Variants in MICAL2 observed in about 807,000 individuals in gnomAD.
The protein encoded by MICAL2 is microtubule associated monooxygenase, calponin and LIM domain containing 2, also known as [F-actin]-monooxygenase MICAL2.
MICAL2 carries 77 observed loss-of-function variants against 127.3 expected under a neutral mutation model. The ratio of observed to expected loss-of-function variants is 0.60; its 90% confidence interval spans 0.50 to 0.73. The LOEUF (loss-of-function observed/expected upper bound fraction) is 0.73, where lower values mean the gene tolerates loss of function less well. Ranked by LOEUF, MICAL2 falls within the 30% of genes least tolerant of loss-of-function variation. The pLI, the probability that MICAL2 is intolerant of heterozygous loss-of-function variation, is 0.00. For synonymous variants in MICAL2, 570 were observed against 551.1 expected (o/e 1.03, Z -0.48); for missense variants, 1,351 against 1,434.4 (o/e 0.94, Z 0.94).
At chr11:12,158,998 G>A (rs1026987625) in intron 2 of MICAL2, among the ~76,000 whole-genome samples, 25 of 152,336 alleles carry the variant, frequency 1.6e-4, no homozygotes, top group Admixed American at 7.2e-4. Context: ...GGTGAGATGG[G>A]TGTTTAGGTC....
chr11:12,211,524 T>A (rs1448892326), intron 6 of MICAL2, among the ~76,000 whole-genome samples: 1 of 152,208 alleles, frequency 6.6e-6, no homozygotes. Flanking sequence ...GGAAAGGTTA[T>A]GTCTGGAGGT....
chr11:12,355,193 A>G (rs1939111582), intron 34 of MICAL2, among the ~76,000 whole-genome samples: 1 of 152,132 alleles, frequency 6.6e-6, no homozygotes, highest in Non-Finnish European at 1.5e-5. Context: ...GCCCTCTAGG[A>G]GTTTGTGGTC....
At chr11:12,258,893 C>G (rs1394134588) in intron 25 of MICAL2, among the ~76,000 whole-genome samples, 1 of 152,220 alleles carries the variant, frequency 6.6e-6, no homozygotes, top group Non-Finnish European at 1.5e-5. Flanking sequence ...CCCACCTGGC[C>G]ACAAGGTGCT....
chr11:12,153,241 G>C (rs112858300), intron 2 of MICAL2: 1 of 151,986 alleles, frequency 6.6e-6, no homozygotes. Flanking sequence ...GTCTCACTGC[G>C]TTGCCCAGGC....
intron 24 of MICAL2, among the ~76,000 whole-genome samples, chr11:12,269,686 T>C (rs956846990): frequency 7.9e-5 from 12 of 152,196 alleles, no homozygotes; most frequent in Admixed American, 1.3e-4. Flanking sequence ...GGGCTGAGGC[T>C]CGGCACTGCC....
chr11:12,293,524 T>A (rs753009648), downstream of MICAL2: 15 of 1,533,260 alleles, frequency 9.8e-6, no homozygotes, highest in South Asian at 6.5e-5. Context: ...ATGATGAAAA[T>A]TTTTAAATAA....
At position 12,162,212 on chromosome 11, in the gene MICAL2, T is replaced by A; in HGVS notation, c.57T>A (p.Phe19Leu). 6.2e-7 allele frequency: 1 copy of A among 1,614,214 alleles called. No individual in the cohort carries two copies. The highest frequency in any genetic ancestry group is 8.5e-7 in the Non-Finnish European group (1 of 1,180,044). The part of the protein sequence containing the change: ...QAQAGQVFEN[F>L]VQASTCKGTL... ...AGGCGGGGCAGGTTTTTGAGAACTT[T>A]GTCCAGGCATCCACGTGCAAAGGTA... Residue 19 changes from phenylalanine to leucine, a missense_variant, in exon 3 of 28, where the codon TTT becomes TTA. By Grantham distance (22) the Phe-to-Leu change is conservative (BLOSUM62 0). This residue lies in a region of MICAL2 where 599 missense variants were observed against 714.9 expected (regional missense o/e 0.84). Transcript: ENST00000683283.
At chr11:12,262,141 C>T (rs1336669003) in intron 26 of MICAL2, 7 of 1,180,946 alleles carry the variant, frequency 5.9e-6, no homozygotes, top group Non-Finnish European at 7.4e-6. Flanking sequence ...GCACCGACAC[C>T]CAGGGGTGGA....
chr11:12,291,049 G>C (rs2134782249), downstream of MICAL2, among the ~76,000 whole-genome samples: 1 of 152,256 alleles, frequency 6.6e-6, no homozygotes, highest in South Asian at 2.1e-4. Context: ...AATCTGAATG[G>C]GTCCGCTGAG....
At chr11:12,232,733 TAAATA>T (rs1357835784) in intron 15 of MICAL2, among the ~76,000 whole-genome samples, 2 of 150,538 alleles carry the variant, frequency 1.3e-5, no homozygotes, top group African/African-American at 5.0e-5. Flanking sequence ...AAAAAGAGAA[TAAATA>T]AAATAAATTA....
rs1855023868 is a variant in MICAL2 at position 12,163,069 on chromosome 11, C to T, written c.264+650C>T. 3.9e-5 allele frequency among the ~76,000 whole-genome samples: 6 copies of T among 152,296 alleles called. No individual in the cohort carries two copies. The South Asian group carries it at 1.2e-3, about 32-fold the overall frequency. ...GATACCCCTGCATTCTCCACCTGCC[C>T]ACTCCCTTCCTCAGGATGCATTTCT... On this transcript the variant is annotated intron_variant, in intron 3 of 27. Transcript: ENST00000683283.
intron 2 of MICAL2, among the ~76,000 whole-genome samples, chr11:12,145,057 C>A (rs1852749663): frequency 6.6e-6 from 1 of 152,208 alleles, no homozygotes. Context: ...AGGAAGGAAT[C>A]CTTTCTCAGA....
intron 15 of MICAL2, among the ~76,000 whole-genome samples, chr11:12,230,267 G>A (rs1257541644): frequency 2.0e-5 from 3 of 152,072 alleles, no homozygotes; most frequent in Non-Finnish European, 2.9e-5. Context: ...AGTCCACCTC[G>A]GTCTGGTCCT....
At chr11:12,125,686 T>C (rs1440952633) in intron 1 of MICAL2, among the ~76,000 whole-genome samples, 1 of 152,198 alleles carries the variant, frequency 6.6e-6, no homozygotes, top group Non-Finnish European at 1.5e-5. Context: ...GGACACATAT[T>C]TATATTTGTG....
chr11:12,233,322 C>A (rs1469294325), intron 15 of MICAL2, among the ~76,000 whole-genome samples: 1 of 152,174 alleles, frequency 6.6e-6, no homozygotes, highest in Admixed American at 6.5e-5. Context: ...ATGCTCAAAT[C>A]CATGATTCCT....
rs144642828 is a variant in MICAL2 at position 12,220,271 on chromosome 11, G to A, written c.1019G>A (p.Arg340Gln). The change falls in exon 9 of 28, where the codon CGG becomes CAG. Residue 340 changes from arginine (R) to glutamine (Q), a missense_variant. Arg to Gln is a conservative substitution (Grantham distance 43, BLOSUM62 1). Transcript: ENST00000683283. ...CAAGACAACCTGCTATCCTATGCCC[G>A]GGAAGCTGCAGACTTTGCCACCAAC... ...VNQDNLLSYAREAADFATNYQ... is the reference protein window; with the variant it reads ...VNQDNLLSYAQEAADFATNYQ... 1,000 of 1,614,148 alleles carry A rather than the reference G, an allele frequency of 6.2e-4. No homozygotes were observed. Among genetic ancestry groups the A allele is most frequent in the Non-Finnish European group, 8.0e-4 (947 of 1,180,022 alleles).
chr11:12,314,645 AT>A (rs545442574), intron 29 of MICAL2, among the ~76,000 whole-genome samples: 15 of 123,030 alleles, frequency 1.2e-4, no homozygotes, highest in East Asian at 2.4e-4. Flanking sequence ...TGCCCAGCTA[AT>A]TTTTTTTTTT....
At chr11:12,235,302 G>C (rs1244223820) in intron 15 of MICAL2, among the ~76,000 whole-genome samples, 1 of 152,192 alleles carries the variant, frequency 6.6e-6, no homozygotes, top group African/African-American at 2.4e-5. Flanking sequence ...GTGCCCTTTG[G>C]GAGCCCTTGC....
At chr11:12,285,788 A>G (rs1482379972) in intron 2 of MICAL2, among the ~76,000 whole-genome samples, 1 of 152,186 alleles carries the variant, frequency 6.6e-6, no homozygotes, top group Non-Finnish European at 1.5e-5. Context: ...GACTGTTTCT[A>G]GACAGAAAGA....
Sources: allele counts gnomAD v4.1 joint callset (sites outside exome capture counted in the v4.1 genomes callset), GRCh38; gene constraint gnomAD v4.1.1; regional missense constraint gnomAD v4.1.1; transcripts MANE v1.5; gene names NCBI Gene and HGNC (gene_info 2026-07-23, HGNC 2026-07-21).